KIF26B: variants seen among roughly 807,000 people sequenced by gnomAD.
KIF26B encodes kinesin family member 26B.
KIF26B carries 63 observed loss-of-function variants against 151.2 expected under a neutral mutation model. That is an observed-to-expected ratio of 0.42 (90% CI 0.34 to 0.51). KIF26B has a LOEUF of 0.51. Ranked by LOEUF, KIF26B falls within the 20% of genes least tolerant of loss-of-function variation. The pLI is 0.07. For missense variants in KIF26B, 2,813 were observed against 2,913.6 expected, an observed-to-expected ratio of 0.97 and a Z score of 0.79; for synonymous variants, 1,357 against 1,262.1, an observed-to-expected ratio of 1.08 and a Z score of -1.59.
intron 2 of KIF26B, among the ~76,000 whole-genome samples, chr1:245,175,060 G>A (rs1668779398): frequency 6.6e-6 from 1 of 152,132 alleles, no homozygotes; most frequent in South Asian, 2.1e-4. Context: ...GGGGCCCATT[G>A]CTCATTCCTT....
In KIF26B at chr1:245,606,411, G is replaced by A. The variant is rs1033430149; in HGVS notation, c.1558-1240G>A. ...TAGCACTGCCTCCCGGAGCTCCCACGAGCCCTGACTCCGGCCCCGAGACAG... is the reference window on the plus strand; with the variant it reads ...TAGCACTGCCTCCCGGAGCTCCCACAAGCCCTGACTCCGGCCCCGAGACAG... On this transcript the variant is annotated intron_variant, in intron 6 of 14. Transcript: ENST00000407071. The surrounding 1 kb of genome is among the most constrained non-coding windows in gnomAD (Gnocchi z 4.6). Among the ~76,000 whole-genome samples the A allele has an allele frequency of 6.6e-5, 10 of 151,528 alleles. No homozygotes were observed. The highest frequency in any genetic ancestry group is 2.2e-4 in the African/African-American group (9 of 41,458).
chr1:245,303,222 G>A (rs1410079466), intron 2 of KIF26B, among the ~76,000 whole-genome samples: 5 of 128,854 alleles, frequency 3.9e-5, no homozygotes, highest in East Asian at 4.8e-4. Flanking sequence ...TTTTTGCGAC[G>A]GAGTCTCGCT....
intron 4 of KIF26B, among the ~76,000 whole-genome samples, chr1:245,511,892 G>C (rs747468130): frequency 2.2e-4 from 34 of 152,222 alleles, no homozygotes; most frequent in Non-Finnish European, 4.6e-4. Context: ...AGAAAGGAAC[G>C]GCTATTTAAA....
chr1:245,198,563 A>G (rs1669232028), intron 2 of KIF26B, among the ~76,000 whole-genome samples: 1 of 152,048 alleles, frequency 6.6e-6, no homozygotes, highest in African/African-American at 2.4e-5. Context: ...CTCTACTAAA[A>G]CTACAAAAAT....
intron 4 of KIF26B, among the ~76,000 whole-genome samples, chr1:245,487,163 T>C (rs1350686881): frequency 1.3e-5 from 2 of 152,208 alleles, no homozygotes; most frequent in Admixed American, 6.5e-5. Context: ...GATACCTCTT[T>C]GTGTCATTGT....
At chr1:245,379,893 C>T (rs1441041180) in intron 3 of KIF26B, among the ~76,000 whole-genome samples, 1 of 151,798 alleles carries the variant, frequency 6.6e-6, no homozygotes. Context: ...ATCGCTTGAA[C>T]CCGGGCGGCA....
chr1:245,588,800 A>C (rs2043255134), intron 5 of KIF26B, among the ~76,000 whole-genome samples: 1 of 152,064 alleles, frequency 6.6e-6, no homozygotes, highest in South Asian at 2.1e-4. Context: ...ACACATGCTG[A>C]GTGGAATTGA....
intron 4 of KIF26B, among the ~76,000 whole-genome samples, chr1:245,444,836 C>T (rs1659211246): frequency 6.6e-6 from 1 of 152,186 alleles, no homozygotes; most frequent in Admixed American, 6.5e-5. Context: ...CATGCTGTGA[C>T]ATGAAGTGCC....
At chr1:245,314,512 A>G (rs113602460) in intron 2 of KIF26B, among the ~76,000 whole-genome samples, 14 of 152,188 alleles carry the variant, frequency 9.2e-5, no homozygotes, top group African/African-American at 3.4e-4. Flanking sequence ...CTTAGCTAAT[A>G]CATGGAAGCA....
At chr1:245,331,924 G>C (rs1454665834) in intron 2 of KIF26B, among the ~76,000 whole-genome samples, 1 of 151,976 alleles carries the variant, frequency 6.6e-6, no homozygotes, top group Non-Finnish European at 1.5e-5. Context: ...TCAGGAGTTC[G>C]AGACTAGCCT....
At chr1:245,440,588 A>G (rs1264262547) in intron 4 of KIF26B, among the ~76,000 whole-genome samples, 1 of 152,164 alleles carries the variant, frequency 6.6e-6, no homozygotes, top group African/African-American at 2.4e-5. Context: ...CAGATCCCCA[A>G]CTTCTGACTC....
chr1:245,436,409 T>C (rs1658933266), intron 4 of KIF26B, among the ~76,000 whole-genome samples: 1 of 152,142 alleles, frequency 6.6e-6, no homozygotes, highest in South Asian at 2.1e-4. Context: ...ATTTGGAATG[T>C]AGACATTTTG....
intron 5 of KIF26B, among the ~76,000 whole-genome samples, chr1:245,573,781 C>T (rs961230918): frequency 2.8e-4 from 43 of 152,060 alleles, no homozygotes; most frequent in African/African-American, 9.2e-4. Context: ...CAGAAAGTAC[C>T]GAGCCCTGTA....
intron 2 of KIF26B, among the ~76,000 whole-genome samples, chr1:245,279,396 T>C (rs962390973): frequency 1.3e-5 from 2 of 151,064 alleles, no homozygotes; most frequent in African/African-American, 4.9e-5. Context: ...ATGCCTTAAA[T>C]TCCTGGGCTC....
At chr1:245,307,353 A>C (rs928895318) in intron 2 of KIF26B, among the ~76,000 whole-genome samples, 2 of 152,202 alleles carry the variant, frequency 1.3e-5, no homozygotes, top group African/African-American at 2.4e-5. Context: ...TCTGGTAAAT[A>C]AATTAGTGTT....
At chr1:245,277,224 A>T (rs529149640) in intron 2 of KIF26B, among the ~76,000 whole-genome samples, 54 of 152,316 alleles carry the variant, frequency 3.5e-4, no homozygotes, top group Middle Eastern at 3.4e-3. Flanking sequence ...CTAAGCCAGC[A>T]GGCTTGTGGT....
intron 2 of KIF26B, among the ~76,000 whole-genome samples, chr1:245,287,616 G>A (rs554974130): frequency 1.5e-3 from 220 of 149,618 alleles, no homozygotes; most frequent in African/African-American, 5.3e-3. Context: ...TGATGCTCCC[G>A]CCTCAGCCTT....
At chr1:245,426,932 G>A (rs998758235) in intron 4 of KIF26B, among the ~76,000 whole-genome samples, 3 of 152,222 alleles carry the variant, frequency 2.0e-5, no homozygotes, top group Non-Finnish European at 4.4e-5. Flanking sequence ...CTTGTATGAT[G>A]AAGGCTTTCT....
intron 5 of KIF26B, among the ~76,000 whole-genome samples, chr1:245,591,016 C>T (rs1041617442): frequency 1.3e-5 from 2 of 151,826 alleles, no homozygotes; most frequent in African/African-American, 4.8e-5. Context: ...GTCTCCTGAA[C>T]TCCTAGGTCA....
Sources: gnomAD v4.1 joint callset for allele counts (sites outside exome capture counted in the v4.1 genomes callset) on GRCh38, gnomAD v4.1.1 for gene constraint, Gnocchi (gnomAD v3.1) non-coding constraint, MANE v1.5 for transcripts, NCBI Gene and HGNC (gene_info 2026-07-23, HGNC 2026-07-21) for gene names.